Variants in OPCML observed in about 807,000 individuals in gnomAD.
OPCML encodes the protein opioid-binding protein/cell adhesion molecule.
Under a neutral mutation model 37.8 loss-of-function variants are expected in OPCML, and 13 were observed. That is an observed-to-expected ratio of 0.34 (90% CI 0.22 to 0.55). OPCML has a LOEUF of 0.55. OPCML is among the 20% of genes least tolerant of loss of function. The pLI, the probability that OPCML is intolerant of heterozygous loss-of-function variation, is 0.91. For synonymous variants in OPCML, 176 were observed against 168.8 expected (o/e 1.04, Z -0.33); for missense variants, 341 against 435.6 (o/e 0.78, Z 1.93).
intron 2 of OPCML, among the ~76,000 whole-genome samples, chr11:132,815,226 C>G (rs1191024017): frequency 6.6e-6 from 1 of 152,152 alleles, no homozygotes; most frequent in African/African-American, 2.4e-5. Flanking sequence ...ATGCCTTTCC[C>G]TTTTTGATGA....
At chr11:133,095,129 CT>C (rs375289789) in intron 1 of OPCML, among the ~76,000 whole-genome samples, 59 of 152,006 alleles carry the variant, frequency 3.9e-4, no homozygotes, top group African/African-American at 1.3e-3. Context: ...TGTAGCTGTT[CT>C]ATTGGTGCCA....
intron 1 of OPCML, among the ~76,000 whole-genome samples, chr11:133,061,078 C>T (rs1045083744): frequency 6.6e-6 from 1 of 152,182 alleles, no homozygotes; most frequent in Non-Finnish European, 1.5e-5. Flanking sequence ...GTTGCTCAGG[C>T]TGGTCTTGAA....
chr11:132,673,455 G>A lies in OPCML; in HGVS notation c.147-16136C>T, dbSNP rs141794113. On this transcript the variant is annotated intron_variant, in intron 2 of 7. Transcript: ENST00000524381. ...CCAAGTGAGAGGACTATTTTCAGGA[G>A]TGAGAATCAAGAAGCCAAGCAATTG... 2.0e-3 allele frequency among the ~76,000 whole-genome samples: 308 copies of A among 152,236 alleles called. 1 individual carries two copies. Among genetic ancestry groups the A allele is most frequent in the African/African-American group, 7.0e-3 (291 of 41,562 alleles).
chr11:133,258,897 A>G (rs1476343802), intron 1 of OPCML, among the ~76,000 whole-genome samples: 4 of 152,210 alleles, frequency 2.6e-5, no homozygotes, highest in African/African-American at 9.7e-5. Flanking sequence ...CTGCTTTTCA[A>G]GAAAAAAACT....
chr11:132,554,833 A>C (rs2096390520), intron 3 of OPCML, among the ~76,000 whole-genome samples: 2 of 149,488 alleles, frequency 1.3e-5, no homozygotes, highest in Non-Finnish European at 3.0e-5. Context: ...GAAAATAAAA[A>C]GTAAATAAAA....
At chr11:133,368,444 G>A (rs1181082384) in intron 1 of OPCML, among the ~76,000 whole-genome samples, 1 of 152,100 alleles carries the variant, frequency 6.6e-6, no homozygotes, top group East Asian at 1.9e-4. Context: ...GCATTATAAT[G>A]GTGTGAAAGG....
chr11:132,466,091 G>A (rs2096118610), intron 4 of OPCML, among the ~76,000 whole-genome samples: 2 of 152,098 alleles, frequency 1.3e-5, no homozygotes, highest in Admixed American at 1.3e-4. Context: ...TCCTACCAGG[G>A]CCATCCTCCC....
intron 1 of OPCML, among the ~76,000 whole-genome samples, chr11:133,321,468 G>A (rs1262424996): frequency 6.6e-6 from 1 of 152,152 alleles, no homozygotes; most frequent in African/African-American, 2.4e-5. Flanking sequence ...ACAGGAGTCT[G>A]GGGGGACAGA....
intron 4 of OPCML, among the ~76,000 whole-genome samples, chr11:132,478,320 AT>A (rs1219379207): frequency 2.0e-5 from 3 of 152,252 alleles, no homozygotes; most frequent in Admixed American, 2.0e-4. Context: ...GAATGATTCA[AT>A]GAAACAGTGC....
intron 3 of OPCML, among the ~76,000 whole-genome samples, chr11:132,578,183 T>C (rs1001292901): frequency 2.7e-4 from 41 of 152,324 alleles, no homozygotes; most frequent in African/African-American, 9.6e-4. Flanking sequence ...CATACAAATG[T>C]CCAGCCCACT....
In OPCML at chr11:132,845,860, C is replaced by T. The variant is rs1365482092; in HGVS notation, c.146+97066G>A. Among the ~76,000 whole-genome samples the T allele has an allele frequency of 3.3e-5, 5 of 152,102 alleles. No individual in the cohort carries two copies. In the South Asian group the frequency reaches 1.0e-3, roughly 32 times the overall value. ...TGATTTGAGGTTTATTTGCCCCATT[C>T]CCTGCTCAGTCTTCCATGTGGCGAA... On this transcript the variant is annotated intron_variant, in intron 2 of 7. Transcript: ENST00000524381.
chr11:132,707,464 T>C (rs771249159), intron 2 of OPCML, among the ~76,000 whole-genome samples: 2 of 152,218 alleles, frequency 1.3e-5, no homozygotes, highest in Admixed American at 6.5e-5. Flanking sequence ...CAGGATCCTA[T>C]GGAACATATT....
intron 1 of OPCML, among the ~76,000 whole-genome samples, chr11:133,141,844 A>C (rs1340029475): frequency 6.6e-6 from 1 of 152,154 alleles, no homozygotes; most frequent in Admixed American, 6.5e-5. Flanking sequence ...ACTATCCCCT[A>C]ATTTCAATCT....
At chr11:132,630,362 A>G (rs536021306) in intron 3 of OPCML, among the ~76,000 whole-genome samples, 6 of 152,348 alleles carry the variant, frequency 3.9e-5, no homozygotes, top group South Asian at 4.1e-4. Context: ...GATTGAGACC[A>G]TCCTGGCCAA....
At chr11:133,345,746 T>A (rs1943985604) in intron 1 of OPCML, among the ~76,000 whole-genome samples, 1 of 152,222 alleles carries the variant, frequency 6.6e-6, no homozygotes, top group African/African-American at 2.4e-5. Flanking sequence ...AGAGCTCTTC[T>A]GGTTCTTCTA....
rs77120077 is a variant in OPCML at position 132,766,525 on chromosome 11, G to C, written c.147-109206C>G. Reference sequence around the variant, plus strand: ...ACATATCAGACAAACTCTTCTCCTGGAACCTCACATAGTAGAAGGGGCAGA... The same window carrying C: ...ACATATCAGACAAACTCTTCTCCTGCAACCTCACATAGTAGAAGGGGCAGA... On this transcript the variant is annotated intron_variant, in intron 2 of 7. Transcript: ENST00000524381. 3.3e-3 allele frequency among the ~76,000 whole-genome samples: 497 copies of C among 152,198 alleles called. 12 individuals carry two copies. In the East Asian group the frequency reaches 0.034, roughly 10 times the overall value.
chr11:132,818,656 A>ATT (rs1939781971), intron 2 of OPCML, among the ~76,000 whole-genome samples: 1 of 8 alleles, frequency 0.12, no homozygotes, highest in African/African-American at 0.25. Flanking sequence ...GTATATATAT[A>ATT]TATAGACAGA....
At chr11:132,912,442 T>C (rs1008957355) in intron 2 of OPCML, among the ~76,000 whole-genome samples, 1 of 152,166 alleles carries the variant, frequency 6.6e-6, no homozygotes, top group African/African-American at 2.4e-5. Context: ...CAATTAATAA[T>C]TAACTTCATC....
At chr11:132,488,888 A>G (rs1005194073) in intron 4 of OPCML, among the ~76,000 whole-genome samples, 1 of 152,180 alleles carries the variant, frequency 6.6e-6, no homozygotes, top group Non-Finnish European at 1.5e-5. Flanking sequence ...CCAGTGGCAC[A>G]TAGGTCAGAC....
Sources: gnomAD v4.1 joint callset for allele counts (sites outside exome capture counted in the v4.1 genomes callset) on GRCh38, gnomAD v4.1.1 for gene constraint, MANE v1.5 for transcripts, NCBI Gene and HGNC (gene_info 2026-07-23, HGNC 2026-07-21) for gene names.